SLC35F4: variants seen among roughly 807,000 people sequenced by gnomAD.
SLC35F4 encodes chromosome 14 open reading frame 36.
A neutral mutation model predicts 44.2 loss-of-function variants in SLC35F4; 24 were observed. That is an observed-to-expected ratio of 0.54 (90% CI 0.39 to 0.76). The LOEUF (loss-of-function observed/expected upper bound fraction) is 0.76, where lower values mean the gene tolerates loss of function less well. Among genes scored for constraint, SLC35F4 ranks in the 30% least tolerant of loss-of-function variants. The pLI, the probability that SLC35F4 is intolerant of heterozygous loss-of-function variation, is 0.00. For synonymous variants in SLC35F4, 238 were observed against 223.6 expected (o/e 1.06, Z -0.57); for missense variants, 562 against 586.1 (o/e 0.96, Z 0.42).
chr14:57,624,827 G>C (rs1192185237), intron 1 of SLC35F4, among the ~76,000 whole-genome samples: 6 of 152,100 alleles, frequency 3.9e-5, no homozygotes, highest in Non-Finnish European at 8.8e-5. Flanking sequence ...ACCTATTTAT[G>C]ACAAACCCAC....
intron 1 of SLC35F4, among the ~76,000 whole-genome samples, chr14:57,879,837 T>G (rs1245802261): frequency 6.6e-6 from 1 of 152,006 alleles, no homozygotes; most frequent in African/African-American, 2.4e-5. Flanking sequence ...AAAGCCAGGA[T>G]TAAGTCTATT....
At chr14:57,743,203 G>T (rs2076662770) in intron 1 of SLC35F4, among the ~76,000 whole-genome samples, 1 of 152,048 alleles carries the variant, frequency 6.6e-6, no homozygotes, top group African/African-American at 2.4e-5. Context: ...GCTAGCAGAA[G>T]GCAAGAAATA....
At chr14:57,688,143 G>A (rs916881964) in intron 1 of SLC35F4, among the ~76,000 whole-genome samples, 1 of 152,024 alleles carries the variant, frequency 6.6e-6, no homozygotes, top group Non-Finnish European at 1.5e-5. Flanking sequence ...GGAATTAAAA[G>A]GATGGGTTAC....
intron 1 of SLC35F4, among the ~76,000 whole-genome samples, chr14:57,877,084 C>T (rs530342439): frequency 2.0e-5 from 3 of 152,148 alleles, no homozygotes; most frequent in South Asian, 4.2e-4. Flanking sequence ...CACGGGTTCA[C>T]GGTACAGATA....
At chr14:57,866,430 T>C (rs1595255136), upstream of SLC35F4, among the ~76,000 whole-genome samples, 2 of 152,200 alleles carry the variant, frequency 1.3e-5, no homozygotes, top group Non-Finnish European at 2.9e-5. Context: ...TCTGCTGATA[T>C]GCAAGCATTC....
At chr14:57,731,209 A>C (rs1303559295) in intron 1 of SLC35F4, among the ~76,000 whole-genome samples, 1 of 152,162 alleles carries the variant, frequency 6.6e-6, no homozygotes, top group Admixed American at 6.5e-5. Flanking sequence ...AAGACACACT[A>C]AAGGTGGGGT....
At chr14:57,819,013 C>A (rs1475831427) in intron 1 of SLC35F4, among the ~76,000 whole-genome samples, 2 of 152,164 alleles carry the variant, frequency 1.3e-5, no homozygotes, top group Non-Finnish European at 2.9e-5. Context: ...CAATTAATAT[C>A]CTGCAGACAT....
intron 1 of SLC35F4, among the ~76,000 whole-genome samples, chr14:57,616,382 T>C (rs2071828317): frequency 6.6e-6 from 1 of 152,228 alleles, no homozygotes; most frequent in Non-Finnish European, 1.5e-5. Flanking sequence ...AAGGTTTATA[T>C]ATTAAACTGT....
chr14:57,603,289 C>T (rs1054287384), intron 1 of SLC35F4, among the ~76,000 whole-genome samples: 9 of 152,272 alleles, frequency 5.9e-5, no homozygotes, highest in African/African-American at 1.9e-4. Context: ...AAAGAACAAA[C>T]AATTTTTTTA....
intron 1 of SLC35F4, among the ~76,000 whole-genome samples, chr14:57,700,237 G>A (rs2075499631): frequency 6.6e-6 from 1 of 152,124 alleles, no homozygotes; most frequent in Non-Finnish European, 1.5e-5. Context: ...TTACCGTACT[G>A]AATACTATTT....
At chr14:57,911,161 G>GT (rs1889209595) in intron 1 of SLC35F4, among the ~76,000 whole-genome samples, 1 of 151,832 alleles carries the variant, frequency 6.6e-6, no homozygotes. Flanking sequence ...AGTTCCAGGG[G>GT]TTTGGGGTTT....
At chr14:57,959,862 A>G (rs1187060406) in intron 1 of SLC35F4, among the ~76,000 whole-genome samples, 1 of 152,210 alleles carries the variant, frequency 6.6e-6, no homozygotes, top group Non-Finnish European at 1.5e-5. Context: ...AGACTCTTCC[A>G]GGCTTTTAGA....
chr14:57,813,616 G>A (rs1305897604), intron 1 of SLC35F4, among the ~76,000 whole-genome samples: 1 of 152,070 alleles, frequency 6.6e-6, no homozygotes, highest in Non-Finnish European at 1.5e-5. Flanking sequence ...TATTTTATAA[G>A]TATTAATTTT....
chr14:57,772,383 A>T (rs982718598), intron 1 of SLC35F4, among the ~76,000 whole-genome samples: 692 of 151,736 alleles, frequency 4.6e-3, no homozygotes, highest in Non-Finnish European at 6.3e-3. Context: ...TTTAGTTTTT[A>T]TTTTTTTTGA....
chr14:57,612,079 A>G lies in SLC35F4; in HGVS notation c.104-17955T>C, dbSNP rs553602163. Among the ~76,000 whole-genome samples the G allele has an allele frequency of 2.0e-5, 3 of 152,238 alleles. No homozygotes were observed. The South Asian group carries it at 6.2e-4, about 32-fold the overall frequency. On this transcript the variant is annotated intron_variant, in intron 1 of 7. Transcript: ENST00000556826. Reference sequence around the variant, plus strand: ...GGAGTCTGAGTTACTACCACTGAGTAGAGGAGGCAGAGACCAAAGTTTGAG... The same window carrying G: ...GGAGTCTGAGTTACTACCACTGAGTGGAGGAGGCAGAGACCAAAGTTTGAG...
rs572697607 is a variant in SLC35F4 at position 57,733,432 on chromosome 14, AAAGTT to A, written c.103+132286_103+132290del. Among the ~76,000 whole-genome samples the A allele has an allele frequency of 5.0e-4, 76 of 151,912 alleles. No individual in the cohort carries two copies. In the South Asian group the frequency reaches 0.016, roughly 31 times the overall value. On this transcript the variant is annotated intron_variant, in intron 1 of 7. Transcript: ENST00000556826. ...ACTTCTAAAATCAGCTTATATACAC[AAAGTT>A]AAGTAGAAAGATATTTAATCAACCA... is the stretch of plus-strand genomic sequence containing the variant.
intron 1 of SLC35F4, among the ~76,000 whole-genome samples, chr14:57,647,336 G>A (rs939737000): frequency 6.6e-6 from 1 of 152,128 alleles, no homozygotes; most frequent in Non-Finnish European, 1.5e-5. Flanking sequence ...ATTTAGGATA[G>A]TTACCTCTTC....
At chr14:57,679,655 G>T (rs1041506069) in intron 1 of SLC35F4, among the ~76,000 whole-genome samples, 1 of 151,684 alleles carries the variant, frequency 6.6e-6, no homozygotes, top group Non-Finnish European at 1.5e-5. Context: ...AAAGAGAGAA[G>T]AATCAAATAG....
At chr14:57,785,845 G>A (rs1175804082) in intron 1 of SLC35F4, among the ~76,000 whole-genome samples, 2 of 152,144 alleles carry the variant, frequency 1.3e-5, no homozygotes, top group South Asian at 2.1e-4. Flanking sequence ...AGAAGCAGGG[G>A]TAAGACTCTG....
Sources: gnomAD v4.1 joint callset for allele counts (sites outside exome capture counted in the v4.1 genomes callset) on GRCh38, gnomAD v4.1.1 for gene constraint, MANE v1.5 for transcripts, NCBI Gene and HGNC (gene_info 2026-07-23, HGNC 2026-07-21) for gene names.